Variants in HTR1F observed in about 807,000 individuals in gnomAD.
HTR1F encodes 5-hydroxytryptamine (serotonin) receptor 1F, G protein-coupled.
A neutral mutation model predicts 24.0 loss-of-function variants in HTR1F; 17 were observed. The observed-to-expected ratio is 0.71, with a 90% CI of 0.48 to 1.06. The LOEUF is 1.06. Among genes scored for constraint, HTR1F ranks in the 50% least tolerant of loss-of-function variants. The probability of loss-of-function intolerance (pLI) is 0.00; values close to 1 mark genes in which losing one functional copy is unlikely to be tolerated. For synonymous variants in HTR1F, 186 were observed against 156.8 expected (o/e 1.19, Z -1.39); for missense variants, 391 against 427.8 (o/e 0.91, Z 0.76).
chr3:87,924,101 C>T (rs1194741311), intron 2 of HTR1F, among the ~76,000 whole-genome samples: 1 of 152,002 alleles, frequency 6.6e-6, no homozygotes, highest in Non-Finnish European at 1.5e-5. Context: ...TGGTAGGATT[C>T]AGCAATAAAG....
intron 1 of HTR1F, among the ~76,000 whole-genome samples, chr3:87,794,140 G>A (rs759136947): frequency 3.3e-5 from 5 of 152,096 alleles, no homozygotes; most frequent in African/African-American, 4.8e-5. Context: ...TGTGAGAGGT[G>A]GAATGAACTC....
At position 87,874,491 on chromosome 3, in the gene HTR1F, C is replaced by T. The variant is rs146586098; in HGVS notation, c.-43+52367C>T. Among the ~76,000 whole-genome samples, 113 of 151,910 alleles carry T rather than the reference C, an allele frequency of 7.4e-4. No individual in the cohort carries two copies. The East Asian group carries it at 0.012, about 16-fold the overall frequency. On this transcript the variant is annotated intron_variant, in intron 2 of 2. Transcript: ENST00000319595. ...AAGCATTGCTGAAAGAATTGAAGGA[C>T]GACAAAAACAAATGCAAAGATATCT...
chr3:87,931,026 C>CTTTTTTTTTTTTTTTTTTTTCT (rs34617109), intron 2 of HTR1F, among the ~76,000 whole-genome samples: 1 of 131,840 alleles, frequency 7.6e-6, no homozygotes, highest in Admixed American at 7.8e-5. Flanking sequence ...ATAGTCTTTC[C>CTTTTTTTTTTTTTTTTTTTTCT]TTTTTTTTTT....
intron 2 of HTR1F, among the ~76,000 whole-genome samples, chr3:87,886,348 A>T (rs1705942138): frequency 6.6e-6 from 1 of 152,168 alleles, no homozygotes; most frequent in Non-Finnish European, 1.5e-5. Flanking sequence ...TCTCAAAATA[A>T]TAAGAGCTAT....
At chr3:87,964,354 G>T (rs1212113319) in intron 2 of HTR1F, among the ~76,000 whole-genome samples, 1 of 152,062 alleles carries the variant, frequency 6.6e-6, no homozygotes, top group East Asian at 1.9e-4. Flanking sequence ...AAGCAACATG[G>T]AGTAATTAGT....
At chr3:87,813,408 C>T (rs556036565) in intron 1 of HTR1F, among the ~76,000 whole-genome samples, 21 of 152,274 alleles carry the variant, frequency 1.4e-4, no homozygotes, top group African/African-American at 5.1e-4. Flanking sequence ...GCCTGTATCC[C>T]CATTATATCT....
chr3:87,796,290 G>A (rs1266326979), intron 1 of HTR1F, among the ~76,000 whole-genome samples: 1 of 152,058 alleles, frequency 6.6e-6, no homozygotes, highest in Non-Finnish European at 1.5e-5. Flanking sequence ...TATGACCAGA[G>A]CAACAGGAAA....
chr3:87,813,946 T>G (rs1015520269), intron 1 of HTR1F, among the ~76,000 whole-genome samples: 2 of 152,176 alleles, frequency 1.3e-5, no homozygotes, highest in African/African-American at 2.4e-5. Context: ...TTTAACAAAT[T>G]ACCCAGTCTT....
At chr3:87,950,276 T>C (rs981864441) in intron 2 of HTR1F, among the ~76,000 whole-genome samples, 17 of 152,244 alleles carry the variant, frequency 1.1e-4, no homozygotes, top group African/African-American at 3.6e-4. Flanking sequence ...ACATGAGATT[T>C]GGTGTAAACA....
intron 2 of HTR1F, among the ~76,000 whole-genome samples, chr3:87,962,052 C>A (rs1705074282): frequency 6.6e-6 from 1 of 152,016 alleles, no homozygotes. Flanking sequence ...AATGTGCTAT[C>A]TACATTGCAT....
intron 2 of HTR1F, among the ~76,000 whole-genome samples, chr3:87,828,303 T>C (rs1704506491): frequency 6.6e-6 from 1 of 152,218 alleles, no homozygotes; most frequent in Admixed American, 6.5e-5. Flanking sequence ...TCACGTTCGA[T>C]TAGTTAAGCA....
chr3:87,938,420 T>G (rs926103254), intron 2 of HTR1F, among the ~76,000 whole-genome samples: 10 of 152,156 alleles, frequency 6.6e-5, no homozygotes, highest in Admixed American at 5.9e-4. Flanking sequence ...ACATTCTTCA[T>G]GGAACTAGAA....
intron 2 of HTR1F, among the ~76,000 whole-genome samples, chr3:87,833,835 T>G (rs895885813): frequency 1.5e-4 from 23 of 152,156 alleles, no homozygotes; most frequent in African/African-American, 5.6e-4. Flanking sequence ...TAAGTCCTTC[T>G]TATATTTTTA....
chr3:87,916,802 T>A (rs2107365296), intron 2 of HTR1F, among the ~76,000 whole-genome samples: 1 of 152,174 alleles, frequency 6.6e-6, no homozygotes, highest in East Asian at 1.9e-4. Flanking sequence ...ACTAGACAGG[T>A]CATCAAGACA....
chr3:87,938,919 A>G (rs1417866873), intron 2 of HTR1F, among the ~76,000 whole-genome samples: 1 of 152,256 alleles, frequency 6.6e-6, no homozygotes, highest in Non-Finnish European at 1.5e-5. Flanking sequence ...AATCACAACG[A>G]AAGCAAAAAT....
At chr3:87,969,336 C>T (rs928749413) in intron 2 of HTR1F, among the ~76,000 whole-genome samples, 8 of 152,226 alleles carry the variant, frequency 5.3e-5, no homozygotes, top group East Asian at 3.9e-4. Context: ...TGAAAGCAGC[C>T]GGGAGGGAGG....
intron 2 of HTR1F, among the ~76,000 whole-genome samples, chr3:87,824,204 T>C (rs1247568969): frequency 6.6e-6 from 1 of 152,188 alleles, no homozygotes; most frequent in African/African-American, 2.4e-5. Flanking sequence ...AACTTTTTGA[T>C]GTTCCATCTA....
rs1432277290 is a variant in HTR1F, at chr3:87,967,444, T to C, written c.-42-23264T>C. Among the ~76,000 whole-genome samples the C allele has an allele frequency of 1.1e-4, 6 of 56,490 alleles. No individual in the cohort carries two copies. In the East Asian group the frequency reaches 5.8e-3, roughly 54 times the overall value. The allele number at this position is 56,490 out of a possible 152,430, so 37.1% of individuals were successfully genotyped here. A position where few individuals can be genotyped will look rare whatever the true frequency, so the allele number is the denominator to read the frequency against. The stretch of plus-strand genomic sequence containing the variant: ...CAGCCTGGGTGACAGAGTGAAACTG[T>C]CTCAAAAAAAAAAAATAGAATACAG... On this transcript the variant is annotated intron_variant, in intron 2 of 2. Transcript: ENST00000319595.
At chr3:87,978,032 AG>A (rs1705436300) in intron 2 of HTR1F, among the ~76,000 whole-genome samples, 1 of 152,216 alleles carries the variant, frequency 6.6e-6, no homozygotes, top group South Asian at 2.1e-4. Flanking sequence ...TGCAGGGTCC[AG>A]CCATTGCACA....
Sources: gnomAD v4.1 joint callset for allele counts (sites outside exome capture counted in the v4.1 genomes callset) on GRCh38, gnomAD v4.1.1 for gene constraint, MANE v1.5 for transcripts, NCBI Gene and HGNC (gene_info 2026-07-23, HGNC 2026-07-21) for gene names.